The following CLP1 variants were observed in gnomAD, a reference collection of about 807,000 sequenced individuals.
The protein encoded by CLP1 is polyribonucleotide 5'-hydroxyl-kinase Clp1.
In CLP1, 18 loss-of-function variants were observed where a neutral mutation model predicts 29.9. That is an observed-to-expected ratio of 0.60 (90% CI 0.42 to 0.89). The LOEUF is 0.89. CLP1 is among the 40% of genes least tolerant of loss of function. CLP1 has a pLI of 0.00. For synonymous variants in CLP1, 162 were observed against 206.2 expected, an observed-to-expected ratio of 0.79 and a Z score of 1.84; for missense variants, 357 against 544.8, an observed-to-expected ratio of 0.66 and a Z score of 3.43.
At chr11:57,660,294 A>G (rs1418108356) in intron 2 of CLP1, among the ~76,000 whole-genome samples, 1 of 152,246 alleles carries the variant, frequency 6.6e-6, no homozygotes, top group Non-Finnish European at 1.5e-5. Flanking sequence ...GGCATAAAAC[A>G]GGAGGCAGAA....
At position 57,659,538 on chromosome 11, in the gene CLP1, CAG is replaced by C. The variant is rs1471585601; in HGVS notation, c.64_65del (p.Glu22ThrfsTer4). 4.3e-6 allele frequency: 7 copies of C among 1,613,978 alleles called. No individual in the cohort carries two copies. The highest frequency in any genetic ancestry group is 1.1e-5 in the South Asian group (1 of 91,088). ...ACTAAATTTGAACTAGAGCGAGAAA[CAG>C]AACTTCGCTTTGAGGTGGAGGCATC... On this transcript the variant is annotated frameshift_variant, in exon 2 of 3. Transcript: ENST00000533682. LOFTEE classifies it high-confidence loss of function.
chr11:57,660,857 G>T lies in CLP1; in HGVS notation c.699G>T (p.Trp233Cys). 1 of 1,614,174 alleles carries T rather than the reference G, an allele frequency of 6.2e-7. No homozygotes were observed. Among genetic ancestry groups the T allele is most frequent in the Non-Finnish European group, 8.5e-7 (1 of 1,180,020 alleles). Residue 233 changes from tryptophan to cysteine, a missense_variant, in exon 3 of 3, where the codon TGG becomes TGT. Coordinates refer to ENST00000533682, the MANE Select transcript of CLP1 (RefSeq NM_006831.3). ...GCTGTGTCATTAACACCTGTGGCTG[G>T]GTCAAGGGCTCTGGTTACCAGGCTC... is the stretch of plus-strand genomic sequence containing the variant. Reference protein sequence around the residue: ...VSGCVINTCGWVKGSGYQALV... With the variant: ...VSGCVINTCGCVKGSGYQALV...
At chr11:57,659,323 A>G (rs1327442258) in intron 1 of CLP1, 132 bp from the exon 2 acceptor site, 15 of 785,922 alleles carry the variant, frequency 1.9e-5, no homozygotes, top group Non-Finnish European at 2.8e-5. Flanking sequence ...TCCTGACCTC[A>G]AGTGATCCAG....
Position 57,661,657 on chromosome 11 carries a change from C to G in CLP1, c.*221C>G, listed in dbSNP as rs1945878519. Reference sequence around the variant, plus strand: ...GACTGTAATTGGTTTCTTAGACCACCTAAGATGCCACTTTGAATTCTCTAA... The same window carrying G: ...GACTGTAATTGGTTTCTTAGACCACGTAAGATGCCACTTTGAATTCTCTAA... On this transcript the variant is annotated 3_prime_UTR_variant, in exon 3 of 3. Transcript: ENST00000533682. The G allele has an allele frequency of 3.7e-6, 2 of 535,488 alleles. No homozygotes were observed. Among genetic ancestry groups the G allele is most frequent in the Admixed American group, 3.5e-5 (1 of 28,174 alleles). The allele number at this position is 535,488 out of a possible 1,614,324, so 33.2% of individuals were successfully genotyped here. A position where few individuals can be genotyped will look rare whatever the true frequency, so the allele number is the denominator to read the frequency against.
chr11:57,658,605 A>T (rs1472947595), intron 1 of CLP1, among the ~76,000 whole-genome samples: 1 of 151,984 alleles, frequency 6.6e-6, no homozygotes, highest in Non-Finnish European at 1.5e-5. Flanking sequence ...GTATGTTTTT[A>T]TTATTTATTT....
rs892919486 is a variant in CLP1 at position 57,660,848 on chromosome 11, C to T, written c.690C>T (p.Thr230=). The T allele has an allele frequency of 6.2e-7, 1 of 1,613,988 alleles. No individual in the cohort carries two copies. The highest frequency in any genetic ancestry group is 1.3e-5 in the African/African-American group (1 of 74,908). ...RASVSGCVIN[T]CGWVKGSGYQ... ...CTGTGAGTGGCTGTGTCATTAACAC[C>T]TGTGGCTGGGTCAAGGGCTCTGGTT... Residue 230 remains threonine, a synonymous_variant, in exon 3 of 3, where the codon ACC becomes ACT. Transcript: ENST00000533682.
chr11:57,659,365 A>T (rs1945851720), intron 1 of CLP1, 90 bp from the exon 2 acceptor site: 1 of 1,270,582 alleles, frequency 7.9e-7, no homozygotes, highest in African/African-American at 1.5e-5. Flanking sequence ...CTGGGATTAC[A>T]GGCGTGAGCC....
Position 57,659,570 on chromosome 11 carries a change from T to G in CLP1, c.94T>G (p.Ser32Ala). Reference sequence around the variant, plus strand: ...TCGCTTTGAGGTGGAGGCATCTCAGTCAGTTCAGTTGGAGTTGTTGACTGG... The same window carrying G: ...TCGCTTTGAGGTGGAGGCATCTCAGGCAGTTCAGTTGGAGTTGTTGACTGG... The part of the protein sequence containing the change: ...ELRFEVEASQ[S>A]VQLELLTGMA... Residue 32 changes from serine to alanine, a missense_variant, in exon 2 of 3, where the codon TCA becomes GCA. Transcript: ENST00000533682. 1 of 1,614,084 alleles carries G rather than the reference T, an allele frequency of 6.2e-7. No individual in the cohort carries two copies. The highest frequency in any genetic ancestry group is 8.5e-7 in the Non-Finnish European group (1 of 1,180,016).
At position 57,661,372 on chromosome 11, in the gene CLP1, C is replaced by T. The variant is rs780941030; in HGVS notation, c.1214C>T (p.Ala405Val). 1.8e-5 allele frequency: 29 copies of T among 1,613,972 alleles called. No individual in the cohort carries two copies. In the South Asian group the frequency reaches 2.6e-4, roughly 15 times the overall value. The change falls in exon 3 of 3, where the codon GCC (alanine) becomes GTC (valine). Residue 405 changes from alanine to valine, a missense_variant. Physicochemically the swap from Ala to Val is moderately conservative, Grantham distance 64. Transcript: ENST00000533682. Reference sequence around the variant, plus strand: ...CAGGTGTTTACTGTTCTGTCTCCAGCCCCTCGCCCACTGCCTAAGAACTTC... The same window carrying T: ...CAGGTGTTTACTGTTCTGTCTCCAGTCCCTCGCCCACTGCCTAAGAACTTC... ...EHQVFTVLSP[A>V]PRPLPKNFLL...
chr11:57,661,350 G>T lies in CLP1; in HGVS notation c.1192G>T (p.Val398Leu). 1 of 1,614,132 alleles carries T rather than the reference G, an allele frequency of 6.2e-7. No homozygotes were observed. The highest frequency in any genetic ancestry group is 8.5e-7 in the Non-Finnish European group (1 of 1,180,018). The change falls in exon 3 of 3, where the codon GTG becomes TTG. Residue 398 changes from valine to leucine, a missense_variant. Physicochemically the swap from Val to Leu is conservative, Grantham distance 32. Coordinates refer to ENST00000533682, the MANE Select transcript of CLP1 (RefSeq NM_006831.3). ...VVTSVDLEHQ[V>L]FTVLSPAPRP... ...GACCAGTGTGGACCTGGAGCATCAG[G>T]TGTTTACTGTTCTGTCTCCAGCCCC...
At position 57,660,089 on chromosome 11, in the gene CLP1, G is replaced by A. The variant is rs772446169; in HGVS notation, c.606+7G>A. ...CATCAAGCTTTATAATAAGGTCAGA[G>A]CCAGAGAAAGGTGGGGTGGAGGGAA... On this transcript the variant is annotated splice_region_variant and intron_variant, in intron 2 of 2. Coordinates refer to ENST00000533682, the MANE Select transcript of CLP1 (RefSeq NM_006831.3). 6 of 1,547,124 alleles carry A rather than the reference G, an allele frequency of 3.9e-6. No homozygotes were observed. In the East Asian group the frequency reaches 9.0e-5, roughly 23 times the overall value.
At chr11:57,660,125 C>A in intron 2 of CLP1, 43 bp downstream of exon 2, 1 of 1,516,674 alleles carries the variant, frequency 6.6e-7, no homozygotes, top group Non-Finnish European at 8.8e-7. Context: ...GGGCTGCTAT[C>A]AGGGTAGGAA....
chr11:57,659,382 C>G (rs1019418145), intron 1 of CLP1, 73 bp from the exon 2 acceptor site: 2 of 1,439,660 alleles, frequency 1.4e-6, no homozygotes, highest in African/African-American at 1.4e-5. Context: ...AGCCACCATG[C>G]CTGGCCCCAT....
At chr11:57,659,314 C>G (rs1945851128) in intron 1 of CLP1, 141 bp from the exon 2 acceptor site, 2 of 719,306 alleles carry the variant, frequency 2.8e-6, no homozygotes, top group Admixed American at 5.6e-5. Context: ...GTCTTGAACT[C>G]CTGACCTCAA....
chr11:57,660,615 C>T, intron 2 of CLP1, 150 bp from the exon 3 acceptor site: 1 of 652,292 alleles, frequency 1.5e-6, no homozygotes. Context: ...GATCGTGCCA[C>T]TGCACTCCAT....
intron 1 of CLP1, 139 bp from the exon 2 acceptor site, chr11:57,659,316 T>C: frequency 4.1e-6 from 3 of 726,206 alleles, no homozygotes; most frequent in African/African-American, 1.8e-5. Flanking sequence ...CTTGAACTCC[T>C]GACCTCAAGT....
rs145927880 is a variant in CLP1 at position 57,659,999 on chromosome 11, G to A, written c.523G>A (p.Glu175Lys). The change falls in exon 2 of 3, where the codon GAA becomes AAA. Residue 175 changes from glutamate to lysine, a missense_variant. By Grantham distance (56) the Glu-to-Lys change is moderately conservative. Transcript: ENST00000533682. ...ALYIERPADV[E>K]EGFSIQAPLV... Reference sequence around the variant, plus strand: ...CTACATCGAGCGGCCTGCAGATGTCGAAGAGGGTTTCTCTATCCAGGCCCC... The same window carrying A: ...CTACATCGAGCGGCCTGCAGATGTCAAAGAGGGTTTCTCTATCCAGGCCCC... The A allele has an allele frequency of 1.2e-5, 20 of 1,613,070 alleles. No homozygotes were observed. The highest frequency in any genetic ancestry group is 1.0e-4 in the Admixed American group (6 of 59,838).
intron 1 of CLP1, among the ~76,000 whole-genome samples, chr11:57,659,084 ATTTTT>A (rs377693360): frequency 7.8e-6 from 1 of 128,806 alleles, no homozygotes; most frequent in African/African-American, 2.9e-5. Context: ...CCATTGGATG[ATTTTT>A]TTTTTTTTTT....
intron 2 of CLP1, 125 bp downstream of exon 2, chr11:57,660,207 A>T: frequency 1.0e-6 from 1 of 974,900 alleles, no homozygotes; most frequent in Non-Finnish European, 1.5e-6. Context: ...TAGAAAGGCA[A>T]TTCCAAATAT....
Sources: gnomAD v4.1 joint callset for allele counts (sites outside exome capture counted in the v4.1 genomes callset) on GRCh38, gnomAD v4.1.1 for gene constraint, MANE v1.5 for transcripts, NCBI Gene and HGNC (gene_info 2026-07-23, HGNC 2026-07-21) for gene names.